The following LSAMP variants were observed in gnomAD, a reference collection of about 807,000 sequenced individuals.
The protein encoded by LSAMP is limbic system-associated membrane protein.
LSAMP carries 7 observed loss-of-function variants against 38.6 expected under a neutral mutation model. The observed-to-expected ratio is 0.18, with a 90% CI of 0.10 to 0.34. The LOEUF is 0.34. LSAMP is among the 10% of genes least tolerant of loss of function. The pLI, the probability that LSAMP is intolerant of heterozygous loss-of-function variation, is 1.00. For synonymous variants in LSAMP, 154 were observed against 166.8 expected (o/e 0.92, Z 0.59); for missense variants, 313 against 420.0 (o/e 0.75, Z 2.23).
At chr3:116,183,082 C>T (rs1220343507) in intron 1 of LSAMP, among the ~76,000 whole-genome samples, 2 of 151,760 alleles carry the variant, frequency 1.3e-5, no homozygotes, top group Non-Finnish European at 3.0e-5. Context: ...TAGGCATATG[C>T]AGGCTATTAG....
At position 116,354,843 on chromosome 3, in the gene LSAMP, A is replaced by ATGTG. The variant is rs776649270; in HGVS notation, c.155+90033_155+90034insCACA. 3.6e-3 allele frequency among the ~76,000 whole-genome samples: 379 copies of ATGTG among 104,344 alleles called. 1 individual carries two copies. Among genetic ancestry groups the ATGTG allele is most frequent in the Middle Eastern group, 5.2e-3 (1 of 194 alleles). The allele number at this position is 104,344 out of a possible 152,430, so 68.5% of individuals were successfully genotyped here. On this transcript the variant is annotated intron_variant, in intron 1 of 6. Coordinates refer to ENST00000490035, the MANE Select transcript of LSAMP (RefSeq NM_002338.5). ...TCTCTGTCTCTCTCTCTGGGTGTATATATGTGTGTGTGTGTGTGTGTGTGT... is the reference window on the plus strand; with the variant it reads ...TCTCTGTCTCTCTCTCTGGGTGTATATGTGTATGTGTGTGTGTGTGTGTGTGTGT...
At chr3:116,163,752 A>G (rs1328376149) in intron 1 of LSAMP, among the ~76,000 whole-genome samples, 2 of 152,124 alleles carry the variant, frequency 1.3e-5, no homozygotes, top group Non-Finnish European at 2.9e-5. Flanking sequence ...TAAAAAAAAT[A>G]TTGATACAAG....
chr3:116,389,630 C>T (rs2048667235), intron 1 of LSAMP, among the ~76,000 whole-genome samples: 1 of 152,096 alleles, frequency 6.6e-6, no homozygotes, highest in Non-Finnish European at 1.5e-5. Context: ...AACGATGTAG[C>T]AAGAGAAAAC....
intron 1 of LSAMP, among the ~76,000 whole-genome samples, chr3:116,297,072 C>T (rs1188232015): frequency 6.6e-6 from 1 of 152,138 alleles, no homozygotes; most frequent in Admixed American, 6.5e-5. Context: ...GCATCAAGGA[C>T]TGTGCTTCTT....
chr3:116,061,285 A>C (rs188882821), intron 2 of LSAMP, among the ~76,000 whole-genome samples: 1 of 152,332 alleles, frequency 6.6e-6, no homozygotes, highest in East Asian at 1.9e-4. Context: ...CCACACAGGA[A>C]AGAGAACTGT....
At chr3:116,011,013 C>CTTTTTTTTTTTTT (rs1169726977) in intron 3 of LSAMP, among the ~76,000 whole-genome samples, 24 of 150,474 alleles carry the variant, frequency 1.6e-4, no homozygotes, top group African/African-American at 5.0e-4. Context: ...ATAGTTTATG[C>CTTTTTTTTTTTTT]TTTTTTTTGA....
At chr3:116,168,111 G>A in intron 1 of LSAMP, among the ~76,000 whole-genome samples, 1 of 149,536 alleles carries the variant, frequency 6.7e-6, no homozygotes, top group East Asian at 2.0e-4. Context: ...ATATATTGGT[G>A]GAAATAAACA....
At chr3:115,838,183 A>C (rs1934858299) in intron 6 of LSAMP, 1 of 152,268 alleles carries the variant, frequency 6.6e-6, no homozygotes, top group Non-Finnish European at 1.5e-5. Flanking sequence ...AATTTTTAAA[A>C]ATCAGATCAT....
chr3:116,228,994 T>C (rs146167698), intron 1 of LSAMP, among the ~76,000 whole-genome samples: 140 of 152,262 alleles, frequency 9.2e-4, no homozygotes, highest in African/African-American at 3.2e-3. Flanking sequence ...TAAAAACACT[T>C]GACAAGTTCA....
chr3:116,018,483 GTTAC>G (rs929056228), intron 3 of LSAMP, among the ~76,000 whole-genome samples: 44 of 152,046 alleles, frequency 2.9e-4, no homozygotes, highest in African/African-American at 9.9e-4. Context: ...CAAATCTCTA[GTTAC>G]TTATATGAGG....
chr3:116,243,278 C>T lies in LSAMP; in HGVS notation c.156-156722G>A, dbSNP rs571694653. On this transcript the variant is annotated intron_variant, in intron 1 of 6. Transcript: ENST00000490035. ...TTCCTCCTGCCCTCTAATTTCCCAC[C>T]ATGACTTCCACTGGGTGAGCCCAGC... is the stretch of plus-strand genomic sequence containing the variant. Among the ~76,000 whole-genome samples, 118 of 152,226 alleles carry T rather than the reference C, an allele frequency of 7.8e-4. 3 individuals carry two copies. The highest frequency in any genetic ancestry group is 6.4e-3 in the South Asian group (31 of 4,812).
chr3:115,899,578 G>T (rs985018668), intron 3 of LSAMP, among the ~76,000 whole-genome samples: 1 of 152,100 alleles, frequency 6.6e-6, no homozygotes, highest in Non-Finnish European at 1.5e-5. Flanking sequence ...TTCAATAAGG[G>T]ATGTAGACTT....
intron 3 of LSAMP, among the ~76,000 whole-genome samples, chr3:115,976,067 C>G (rs1181149305): frequency 6.6e-6 from 1 of 152,172 alleles, no homozygotes; most frequent in East Asian, 1.9e-4. Context: ...TGACACCACT[C>G]CAGGAGGCAA....
intron 1 of LSAMP, among the ~76,000 whole-genome samples, chr3:116,317,600 C>T (rs1332615522): frequency 6.6e-6 from 1 of 151,786 alleles, no homozygotes; most frequent in Non-Finnish European, 1.5e-5. Context: ...TGTGATCCAC[C>T]CTCCTTGGCC....
chr3:116,042,675 G>A (rs1406580343), intron 2 of LSAMP, among the ~76,000 whole-genome samples: 2 of 152,018 alleles, frequency 1.3e-5, no homozygotes, highest in African/African-American at 2.4e-5. Context: ...TGATCCACCC[G>A]CCTTGGCCTC....
At chr3:115,851,128 C>A (rs1164555568) in intron 4 of LSAMP, among the ~76,000 whole-genome samples, 11 of 152,130 alleles carry the variant, frequency 7.2e-5, no homozygotes, top group Admixed American at 7.2e-4. Flanking sequence ...CACCCGCCAC[C>A]ACACCCAGCT....
intron 1 of LSAMP, among the ~76,000 whole-genome samples, chr3:116,096,901 T>C (rs1708237203): frequency 6.6e-6 from 1 of 152,220 alleles, no homozygotes; most frequent in Non-Finnish European, 1.5e-5. Flanking sequence ...CTTTTTTCTC[T>C]CCTTTGAACT....
At position 116,324,495 on chromosome 3, in the gene LSAMP, C is replaced by T. The variant is rs72950144; in HGVS notation, c.155+120382G>A. Among the ~76,000 whole-genome samples the T allele has an allele frequency of 2.4e-3, 365 of 152,264 alleles. 4 individuals carry two copies. Among genetic ancestry groups the T allele is most frequent in the African/African-American group, 8.4e-3 (351 of 41,544 alleles). ...AGGACACAGAAAGACACAGTTTCTACTCCTGATCTATATAGACATTTACAG... is the reference window on the plus strand; with the variant it reads ...AGGACACAGAAAGACACAGTTTCTATTCCTGATCTATATAGACATTTACAG... On this transcript the variant is annotated intron_variant, in intron 1 of 6. Coordinates refer to ENST00000490035, the MANE Select transcript of LSAMP (RefSeq NM_002338.5).
chr3:115,918,745 A>G (rs1164146993), intron 3 of LSAMP, among the ~76,000 whole-genome samples: 1 of 132,524 alleles, frequency 7.5e-6, no homozygotes, highest in African/African-American at 2.9e-5. Context: ...CATGGTACTT[A>G]TAGCTCAGAG....
Sources: gnomAD v4.1 joint callset for allele counts (sites outside exome capture counted in the v4.1 genomes callset) on GRCh38, gnomAD v4.1.1 for gene constraint, MANE v1.5 for transcripts, NCBI Gene and HGNC (gene_info 2026-07-23, HGNC 2026-07-21) for gene names.